GULP1: variants seen among roughly 807,000 people sequenced by gnomAD.
GULP1 encodes the protein GULP PTB domain containing engulfment adaptor 1, also known as PTB domain-containing engulfment adapter protein 1.
GULP1 carries 19 observed loss-of-function variants against 40.9 expected under a neutral mutation model. The ratio of observed to expected loss-of-function variants is 0.46; its 90% CI spans 0.32 to 0.68. GULP1 has a LOEUF of 0.68. GULP1 is among the 30% of genes least tolerant of loss of function. GULP1 has a pLI of 0.03. For synonymous variants in GULP1, 119 were observed against 117.6 expected (o/e 1.01, Z -0.08); for missense variants, 312 against 362.2 (o/e 0.86, Z 1.12).
intron 9 of GULP1, among the ~76,000 whole-genome samples, chr2:188,583,935 T>G (rs1701832049): frequency 6.6e-6 from 1 of 152,238 alleles, no homozygotes; most frequent in African/African-American, 2.4e-5. Flanking sequence ...TATCTAATTC[T>G]CTGTTACAAG....
At chr2:188,505,462 T>G (rs1338380576) in intron 4 of GULP1, among the ~76,000 whole-genome samples, 1 of 151,854 alleles carries the variant, frequency 6.6e-6, no homozygotes, top group African/African-American at 2.4e-5. Context: ...AACTCCATAC[T>G]ATGAAGCATA....
chr2:188,517,929 C>A (rs1490521579), intron 4 of GULP1, among the ~76,000 whole-genome samples: 1 of 152,046 alleles, frequency 6.6e-6, no homozygotes, highest in Admixed American at 6.6e-5. Flanking sequence ...CGGCCTAATT[C>A]TTCAGATAGT....
At chr2:188,433,586 G>C (rs577331323) in intron 2 of GULP1, among the ~76,000 whole-genome samples, 1 of 152,092 alleles carries the variant, frequency 6.6e-6, no homozygotes, top group Admixed American at 6.6e-5. Flanking sequence ...AGTTCTATCA[G>C]AGAAGAATCT....
Position 188,593,507 on chromosome 2 carries a change from T to A in GULP1, c.844-433T>A, listed in dbSNP as rs1346692573. On this transcript the variant is annotated intron_variant, in intron 11 of 11. Coordinates refer to ENST00000409830, the MANE Select transcript of GULP1 (RefSeq NM_016315.4). ...AAGAAGTATTTTACCCGGGCTCTGG[T>A]CAGTGCTAACCAGGAATAAGGTGAA... 2.0e-5 allele frequency: 3 copies of A among 152,274 alleles called. No homozygotes were observed. In the Admixed American group the frequency reaches 2.0e-4, roughly 10 times the overall value. The allele number at this position is 152,274 out of a possible 1,614,324, so 9.4% of individuals were successfully genotyped here. A position where few individuals can be genotyped will look rare whatever the true frequency, so the allele number is the denominator to read the frequency against.
At chr2:188,562,803 A>G (rs141102700) in intron 7 of GULP1, among the ~76,000 whole-genome samples, 1,681 of 152,310 alleles carry the variant, frequency 0.011, 13 homozygotes, top group Non-Finnish European at 0.015. Flanking sequence ...GGGAGACTCA[A>G]TAAGTTTCAA....
intron 8 of GULP1, 113 bp from the exon 9 acceptor site, chr2:188,569,915 C>T: frequency 3.8e-6 from 2 of 530,728 alleles, no homozygotes; most frequent in East Asian, 3.4e-5. Flanking sequence ...TCTCCCCACG[C>T]ACAACAAAGT....
At chr2:188,498,401 T>C (rs770205457) in intron 4 of GULP1, among the ~76,000 whole-genome samples, 20 of 151,856 alleles carry the variant, frequency 1.3e-4, no homozygotes, top group Non-Finnish European at 2.5e-4. Context: ...GTTAGAAATA[T>C]CCAAGAAATA....
chr2:188,402,046 C>T (rs1473853381), intron 2 of GULP1, among the ~76,000 whole-genome samples: 1 of 152,066 alleles, frequency 6.6e-6, no homozygotes, highest in African/African-American at 2.4e-5. Context: ...TCTTTTCTCT[C>T]CCTTCCCCTC....
At chr2:188,334,048 C>G (rs936781463) in intron 1 of GULP1, among the ~76,000 whole-genome samples, 1 of 152,134 alleles carries the variant, frequency 6.6e-6, no homozygotes, top group Non-Finnish European at 1.5e-5. Context: ...TCCACCCCAA[C>G]GCTGAACTCC....
At chr2:188,362,673 T>G (rs746453840) in intron 1 of GULP1, among the ~76,000 whole-genome samples, 1 of 152,154 alleles carries the variant, frequency 6.6e-6, no homozygotes, top group South Asian at 2.1e-4. Flanking sequence ...ACTACAGTCC[T>G]CTTAGCCATA....
At chr2:188,359,109 A>T (rs1574700261) in intron 1 of GULP1, among the ~76,000 whole-genome samples, 1 of 152,282 alleles carries the variant, frequency 6.6e-6, no homozygotes, top group East Asian at 1.9e-4. Context: ...TTAGTGTTTT[A>T]AGTTGGATTT....
chr2:188,315,990 A>G (rs1280521497), intron 1 of GULP1, among the ~76,000 whole-genome samples: 1 of 152,120 alleles, frequency 6.6e-6, no homozygotes, highest in Non-Finnish European at 1.5e-5. Flanking sequence ...GCAGGATATG[A>G]GTAAATTGCT....
At chr2:188,397,141 C>T (rs889533183) in intron 2 of GULP1, among the ~76,000 whole-genome samples, 1 of 152,214 alleles carries the variant, frequency 6.6e-6, no homozygotes, top group African/African-American at 2.4e-5. Flanking sequence ...TTCTACCTTG[C>T]TTCTTGTAAG....
At chr2:188,295,741 G>A (rs1377434056) in intron 1 of GULP1, among the ~76,000 whole-genome samples, 1 of 152,104 alleles carries the variant, frequency 6.6e-6, no homozygotes, top group African/African-American at 2.4e-5. Context: ...ATAATTAATA[G>A]TGAATCTGTA....
chr2:188,433,538 T>A (rs1266353059), intron 2 of GULP1, among the ~76,000 whole-genome samples: 4 of 152,116 alleles, frequency 2.6e-5, no homozygotes, highest in Admixed American at 6.6e-5. Context: ...CAAAGGACTG[T>A]CAACCAAGTG....
At chr2:188,345,077 A>G (rs2043452882) in intron 1 of GULP1, among the ~76,000 whole-genome samples, 1 of 152,020 alleles carries the variant, frequency 6.6e-6, no homozygotes, top group Non-Finnish European at 1.5e-5. Flanking sequence ...TATGTACTTC[A>G]GGCTCTGACA....
chr2:188,324,660 C>G (rs923227179), intron 1 of GULP1, among the ~76,000 whole-genome samples: 3 of 151,700 alleles, frequency 2.0e-5, no homozygotes, highest in Admixed American at 1.3e-4. Flanking sequence ...AATACCCTCC[C>G]TTATTAGATG....
intron 1 of GULP1, among the ~76,000 whole-genome samples, chr2:188,352,588 G>C (rs1412606199): frequency 1.7e-5 from 2 of 116,292 alleles, no homozygotes; most frequent in African/African-American, 6.8e-5. Context: ...TCATTCACTT[G>C]TTCTTGCTCT....
intron 1 of GULP1, among the ~76,000 whole-genome samples, chr2:188,374,239 C>T (rs1240695089): frequency 6.6e-6 from 1 of 151,920 alleles, no homozygotes; most frequent in Non-Finnish European, 1.5e-5. Flanking sequence ...CATTTTGGTT[C>T]ATTATTATTT....
Sources: gnomAD v4.1 joint callset for allele counts (sites outside exome capture counted in the v4.1 genomes callset) on GRCh38, gnomAD v4.1.1 for gene constraint, MANE v1.5 for transcripts, NCBI Gene and HGNC (gene_info 2026-07-23, HGNC 2026-07-21) for gene names.